The following OSTF1 variants were observed in gnomAD, a reference collection of about 807,000 sequenced individuals.
The protein encoded by OSTF1 is osteoclast-stimulating factor 1.
A neutral mutation model predicts 37.2 loss-of-function variants in OSTF1; 27 were observed. The observed-to-expected ratio is 0.73, with a 90% CI of 0.54 to 1.00. OSTF1 has a LOEUF of 1.00. Among genes scored for constraint, OSTF1 ranks in the 50% least tolerant of loss-of-function variants. The pLI is 0.00. For synonymous variants in OSTF1, 82 were observed against 89.2 expected (o/e 0.92, Z 0.46); for missense variants, 232 against 253.8 (o/e 0.91, Z 0.58).
Position 75,142,942 on chromosome 9 carries a change from C to CTTTTT in OSTF1, c.586+2021_586+2025dup, listed in dbSNP as rs35793257. ...AGGTATATTCTGATATTGTTGTCCACTTTTTTTTTTTTTTTGAGACAGAGT... is the reference window on the plus strand; with the variant it reads ...AGGTATATTCTGATATTGTTGTCCACTTTTTTTTTTTTTTTTTTTTGAGACAGAGT... On this transcript the variant is annotated intron_variant, in intron 9 of 9. Transcript: ENST00000346234. 1.4e-5 allele frequency among the ~76,000 whole-genome samples: 2 copies of CTTTTT among 141,610 alleles called. 1 individual carries two copies. Among genetic ancestry groups the CTTTTT allele is most frequent in the Non-Finnish European group, 3.1e-5 (2 of 65,252 alleles). 92.9% of individuals were successfully genotyped at this position (141,610 alleles called of 152,430 possible).
intron 5 of OSTF1, 27 bp from the exon 6 acceptor site, chr9:75,133,267 G>A (rs765007942): frequency 8.8e-6 from 12 of 1,366,254 alleles, no homozygotes; most frequent in Non-Finnish European, 1.1e-5. Flanking sequence ...TTTTTCTTGT[G>A]TTCTTGTAAA....
At chr9:75,141,312 C>CAAAAAAAAAAAA (rs529293090) in intron 9 of OSTF1, among the ~76,000 whole-genome samples, 102 of 71,678 alleles carry the variant, frequency 1.4e-3, no homozygotes, top group Non-Finnish European at 1.9e-3. Flanking sequence ...AAAAGAAAAC[C>CAAAAAAAAAAAA]AAAAAAAAAA....
At chr9:75,133,236 C>A in intron 5 of OSTF1, 58 bp from the exon 6 acceptor site, 3 of 1,094,050 alleles carry the variant, frequency 2.7e-6, no homozygotes, top group Non-Finnish European at 4.1e-6. Flanking sequence ...GATTTAAAAG[C>A]AAAATAAAAA....
chr9:75,130,674 C>T (rs184735637), intron 4 of OSTF1, 33 bp downstream of exon 4: 21 of 1,471,482 alleles, frequency 1.4e-5, no homozygotes, highest in Admixed American at 3.4e-5. Context: ...ACTTTAGCTT[C>T]GTTCACTTGG....
intron 1 of OSTF1, among the ~76,000 whole-genome samples, chr9:75,105,965 C>T (rs932137281): frequency 3.7e-4 from 56 of 152,182 alleles, no homozygotes; most frequent in African/African-American, 1.4e-3. Context: ...TAGAAAGGCA[C>T]ACTGTTAATA....
chr9:75,122,022 G>T (rs1825588533), intron 2 of OSTF1, among the ~76,000 whole-genome samples: 2 of 152,196 alleles, frequency 1.3e-5, no homozygotes, highest in South Asian at 4.1e-4. Flanking sequence ...TTTCTCATTT[G>T]TCTTGCTTAA....
Position 75,146,965 on chromosome 9 carries a change from G to T in OSTF1, c.*224G>T. 1.1e-5 allele frequency: 3 copies of T among 280,108 alleles called. No individual in the cohort carries two copies. Among genetic ancestry groups the T allele is most frequent in the East Asian group, 6.1e-5 (1 of 16,404 alleles). The allele number at this position is 280,108 out of a possible 1,614,324, so 17.4% of individuals were successfully genotyped here. A position where few individuals can be genotyped will look rare whatever the true frequency, so the allele number is the denominator to read the frequency against. On this transcript the variant is annotated 3_prime_UTR_variant, in exon 10 of 10. Coordinates refer to ENST00000346234, the MANE Select transcript of OSTF1 (RefSeq NM_012383.5). ...TATGTTCACCAAAGTAGAACAAGAA[G>T]ATATTATTTCTATTTATCAAGCAAA...
intron 1 of OSTF1, among the ~76,000 whole-genome samples, chr9:75,111,941 A>G (rs1468599272): frequency 3.5e-5 from 5 of 142,278 alleles, no homozygotes; most frequent in African/African-American, 1.3e-4. Context: ...CTCCTGCCTC[A>G]GCCTCCTGAG....
At chr9:75,120,384 T>G (rs887408491) in intron 2 of OSTF1, among the ~76,000 whole-genome samples, 1 of 152,032 alleles carries the variant, frequency 6.6e-6, no homozygotes, top group Non-Finnish European at 1.5e-5. Flanking sequence ...GTGTCCTGAT[T>G]GGTTGCATGA....
chr9:75,096,908 CT>C (rs1271386198), intron 1 of OSTF1, among the ~76,000 whole-genome samples: 2 of 152,106 alleles, frequency 1.3e-5, no homozygotes, highest in Non-Finnish European at 2.9e-5. Flanking sequence ...AACTCTTATG[CT>C]TATGTCTGAA....
chr9:75,116,257 C>G (rs1825486985), intron 1 of OSTF1, among the ~76,000 whole-genome samples: 2 of 152,098 alleles, frequency 1.3e-5, no homozygotes, highest in East Asian at 1.9e-4. Flanking sequence ...AAATACTATG[C>G]CATTTTATAT....
intron 9 of OSTF1, 112 bp downstream of exon 9, chr9:75,141,044 A>T: frequency 1.4e-6 from 1 of 694,214 alleles, no homozygotes; most frequent in South Asian, 1.8e-5. Context: ...TATACCTGTA[A>T]TCCCAGCACT....
At chr9:75,142,805 T>C (rs1221230359) in intron 9 of OSTF1, among the ~76,000 whole-genome samples, 2 of 152,226 alleles carry the variant, frequency 1.3e-5, no homozygotes, top group Non-Finnish European at 2.9e-5. Context: ...AAATGTTTTT[T>C]CTTGCTTCAT....
chr9:75,126,060 C>T (rs946274530), intron 2 of OSTF1, among the ~76,000 whole-genome samples: 1 of 152,072 alleles, frequency 6.6e-6, no homozygotes, highest in Admixed American at 6.6e-5. Context: ...TAAGTGTGCA[C>T]CACCACACCT....
At chr9:75,121,558 G>T (rs142370233) in intron 2 of OSTF1, among the ~76,000 whole-genome samples, 131 of 152,276 alleles carry the variant, frequency 8.6e-4, no homozygotes, top group African/African-American at 3.1e-3. Flanking sequence ...AGGTATGAAG[G>T]GGGTAGCATC....
intron 1 of OSTF1, among the ~76,000 whole-genome samples, chr9:75,110,239 C>T (rs1452371883): frequency 6.6e-6 from 1 of 151,460 alleles, no homozygotes; most frequent in Non-Finnish European, 1.5e-5. Flanking sequence ...ATCCACTGTA[C>T]ACTGCCTTTT....
chr9:75,141,081 T>C (rs1055087139), intron 9 of OSTF1, 149 bp downstream of exon 9: 15 of 545,130 alleles, frequency 2.8e-5, no homozygotes, highest in Non-Finnish European at 3.9e-5. Context: ...GGAGGTTCAC[T>C]TGAGCCCAGG....
intron 1 of OSTF1, among the ~76,000 whole-genome samples, chr9:75,096,052 T>C (rs1366321950): frequency 2.0e-5 from 3 of 152,228 alleles, no homozygotes; most frequent in East Asian, 3.9e-4. Context: ...CCACCACGCC[T>C]GGCTAATTTT....
intron 1 of OSTF1, among the ~76,000 whole-genome samples, chr9:75,113,203 C>T (rs1490773061): frequency 6.6e-6 from 1 of 152,056 alleles, no homozygotes; most frequent in African/African-American, 2.4e-5. Context: ...CTCCCAATCC[C>T]AAATCACACT....
Sources: gnomAD v4.1 joint callset for allele counts (sites outside exome capture counted in the v4.1 genomes callset) on GRCh38, gnomAD v4.1.1 for gene constraint, MANE v1.5 for transcripts, NCBI Gene and HGNC (gene_info 2026-07-23, HGNC 2026-07-21) for gene names.